Variants in EXOC4 observed in about 807,000 individuals in gnomAD.
EXOC4 encodes the protein exocyst complex component 4, also known as SEC8-like 1.
In EXOC4, 71 loss-of-function variants were observed where a neutral mutation model predicts 107.2. That is an observed-to-expected ratio of 0.66 (90% CI 0.55 to 0.81). The LOEUF is 0.81. Among genes scored for constraint, EXOC4 ranks in the 30% least tolerant of loss-of-function variants. The pLI is 0.00. For synonymous variants in EXOC4, 456 were observed against 441.2 expected, an observed-to-expected ratio of 1.03 and a Z score of -0.42; for missense variants, 1,108 against 1,189.6, an observed-to-expected ratio of 0.93 and a Z score of 1.01.
intron 9 of EXOC4, among the ~76,000 whole-genome samples, chr7:133,546,330 A>G (rs1387505363): frequency 2.9e-5 from 4 of 138,180 alleles, no homozygotes; most frequent in Non-Finnish European, 6.0e-5. Context: ...GATCTTGGTC[A>G]CTGCAGCCTC....
chr7:133,801,344 C>T (rs1164753194), intron 10 of EXOC4, among the ~76,000 whole-genome samples: 3 of 152,256 alleles, frequency 2.0e-5, no homozygotes, highest in Non-Finnish European at 2.9e-5. Flanking sequence ...GACTTTCTGG[C>T]TTGCTGTGCT....
At chr7:133,390,100 A>G (rs1212607854) in intron 7 of EXOC4, among the ~76,000 whole-genome samples, 2 of 152,134 alleles carry the variant, frequency 1.3e-5, no homozygotes, top group African/African-American at 4.8e-5. Flanking sequence ...AGGCAGCTAG[A>G]TTGATCATGG....
At chr7:133,294,132 A>G (rs1043929302) in intron 3 of EXOC4, among the ~76,000 whole-genome samples, 2 of 152,150 alleles carry the variant, frequency 1.3e-5, no homozygotes, top group African/African-American at 4.8e-5. Flanking sequence ...TTATCACTCA[A>G]AACACTCCAG....
At chr7:134,054,620 T>G (rs891408791) in intron 17 of EXOC4, among the ~76,000 whole-genome samples, 1 of 152,240 alleles carries the variant, frequency 6.6e-6, no homozygotes, top group Non-Finnish European at 1.5e-5. Context: ...CACTAGATGC[T>G]TCTTTTCTGC....
chr7:133,426,441 A>G (rs772383457), intron 7 of EXOC4, among the ~76,000 whole-genome samples: 3 of 152,234 alleles, frequency 2.0e-5, no homozygotes, highest in Non-Finnish European at 2.9e-5. Context: ...GAAATAAGCA[A>G]ATTAATTACA....
At chr7:133,547,312 T>A (rs1800500537) in intron 9 of EXOC4, among the ~76,000 whole-genome samples, 1 of 152,192 alleles carries the variant, frequency 6.6e-6, no homozygotes, top group Non-Finnish European at 1.5e-5. Context: ...TGATAAAAAA[T>A]ACTGATGATC....
chr7:133,589,530 T>C (rs539625701), intron 9 of EXOC4, among the ~76,000 whole-genome samples: 1 of 152,340 alleles, frequency 6.6e-6, no homozygotes, highest in South Asian at 2.1e-4. Flanking sequence ...TATTCTTGTT[T>C]AAAATTTCCA....
chr7:133,432,715 A>G (rs1252041953), intron 7 of EXOC4, among the ~76,000 whole-genome samples: 1 of 152,190 alleles, frequency 6.6e-6, no homozygotes, highest in East Asian at 1.9e-4. Flanking sequence ...ACTCTCTTCC[A>G]GTTTCTGCTA....
intron 5 of EXOC4, among the ~76,000 whole-genome samples, chr7:133,352,862 T>C (rs925107320): frequency 6.6e-6 from 1 of 152,026 alleles, no homozygotes; most frequent in African/African-American, 2.4e-5. Flanking sequence ...ATTCTAAAGT[T>C]ATAACTCTCT....
chr7:133,257,997 T>C (rs1584754418), intron 1 of EXOC4, among the ~76,000 whole-genome samples: 1 of 152,242 alleles, frequency 6.6e-6, no homozygotes, highest in Non-Finnish European at 1.5e-5. Flanking sequence ...CTGAGCCGAG[T>C]CTTGGAAGTT....
At chr7:133,816,448 T>C (rs981064076) in intron 10 of EXOC4, among the ~76,000 whole-genome samples, 3 of 152,174 alleles carry the variant, frequency 2.0e-5, no homozygotes, top group African/African-American at 4.8e-5. Context: ...ATAGAGGAAG[T>C]AGATCATTGC....
intron 5 of EXOC4, among the ~76,000 whole-genome samples, chr7:133,328,651 A>G (rs1795306683): frequency 6.6e-6 from 1 of 152,184 alleles, no homozygotes; most frequent in South Asian, 2.1e-4. Context: ...GCTTGTGTGT[A>G]AAGGATTTTA....
chr7:133,488,857 TCA>T (rs1799318659), intron 9 of EXOC4, among the ~76,000 whole-genome samples: 1 of 151,310 alleles, frequency 6.6e-6, no homozygotes, highest in Non-Finnish European at 1.5e-5. Flanking sequence ...TCAAAGGTAG[TCA>T]TATAAGAAAA....
At chr7:133,399,637 C>T (rs144873463) in intron 7 of EXOC4, among the ~76,000 whole-genome samples, 73 of 152,304 alleles carry the variant, frequency 4.8e-4, no homozygotes, top group African/African-American at 1.7e-3. Flanking sequence ...CAAGATGTGC[C>T]TCATGAGTGG....
rs189876765 is a variant in EXOC4 at position 133,997,042 on chromosome 7, G to A, written c.2207-450G>A. On this transcript the variant is annotated intron_variant, in intron 14 of 17. Transcript: ENST00000253861. The stretch of plus-strand genomic sequence containing the variant: ...TTGATGTAAGATGGTCAAATCTTTC[G>A]GAGATGGAACAGGCTGCCTTGAAAG... Among the ~76,000 whole-genome samples the A allele has an allele frequency of 4.1e-4, 63 of 152,250 alleles. 1 individual carries two copies. Among genetic ancestry groups the A allele is most frequent in the Admixed American group, 1.8e-3 (28 of 15,288 alleles).
intron 3 of EXOC4, among the ~76,000 whole-genome samples, chr7:133,304,077 A>T (rs1277035388): frequency 6.6e-6 from 1 of 152,216 alleles, no homozygotes; most frequent in Non-Finnish European, 1.5e-5. Context: ...CTACAAACAA[A>T]TCAAGTGTGG....
intron 11 of EXOC4, among the ~76,000 whole-genome samples, chr7:133,857,948 T>C (rs1395216384): frequency 6.6e-6 from 1 of 152,098 alleles, no homozygotes; most frequent in Non-Finnish European, 1.5e-5. Flanking sequence ...CCTGGCCCCA[T>C]TGCTGCTTCC....
intron 10 of EXOC4, among the ~76,000 whole-genome samples, chr7:133,774,936 G>A (rs1796315517): frequency 1.3e-5 from 2 of 151,938 alleles, no homozygotes; most frequent in Admixed American, 6.6e-5. Flanking sequence ...AATAAATAAG[G>A]ATGAAAACAT....
chr7:133,652,758 A>T (rs1357611926), intron 10 of EXOC4, among the ~76,000 whole-genome samples: 1 of 152,154 alleles, frequency 6.6e-6, no homozygotes, highest in African/African-American at 2.4e-5. Context: ...GTTTTAATGA[A>T]TTTCAACTGT....
Sources: allele counts gnomAD v4.1 joint callset (sites outside exome capture counted in the v4.1 genomes callset), GRCh38; gene constraint gnomAD v4.1.1; transcripts MANE v1.5; gene names NCBI Gene and HGNC (gene_info 2026-07-23, HGNC 2026-07-21).